Variants in CADPS2 observed in about 807,000 individuals in gnomAD.
The protein encoded by CADPS2 is calcium-dependent secretion activator 2.
CADPS2 carries 93 observed loss-of-function variants against 172.5 expected under a neutral mutation model. That is an observed-to-expected ratio of 0.54 (90% confidence interval 0.46 to 0.64). The LOEUF (loss-of-function observed/expected upper bound fraction) is 0.64, where lower values mean the gene tolerates loss of function less well. Among genes scored for constraint, CADPS2 ranks in the 30% least tolerant of loss-of-function variants. The probability of loss-of-function intolerance (pLI) is 0.00; values close to 1 mark genes in which losing one functional copy is unlikely to be tolerated. For missense variants in CADPS2, 1,420 were observed against 1,565.9 expected (o/e 0.91, Z 1.57); for synonymous variants, 546 against 555.2 (o/e 0.98, Z 0.23).
chr7:122,507,169 G>C (rs1340559445), intron 9 of CADPS2, among the ~76,000 whole-genome samples: 2 of 152,126 alleles, frequency 1.3e-5, no homozygotes, highest in Non-Finnish European at 2.9e-5. Context: ...GACAGAGAAT[G>C]AGTTGAGGGG....
chr7:122,635,342 C>CA (rs553494973), intron 3 of CADPS2, among the ~76,000 whole-genome samples: 59 of 151,446 alleles, frequency 3.9e-4, no homozygotes, highest in Non-Finnish European at 7.4e-4. Context: ...AGGTTAGTTA[C>CA]TATGTATACA....
intron 1 of CADPS2, among the ~76,000 whole-genome samples, chr7:122,818,954 A>G (rs2140317241): frequency 6.6e-6 from 1 of 152,286 alleles, no homozygotes; most frequent in East Asian, 1.9e-4. Context: ...ACATTTTATT[A>G]CCCAATCTGC....
intron 11 of CADPS2, among the ~76,000 whole-genome samples, chr7:122,488,796 A>C (rs2058055560): frequency 3.3e-5 from 5 of 152,226 alleles, no homozygotes; most frequent in Admixed American, 3.3e-4. Context: ...TTAGCGAGTT[A>C]AAGTTTTTTG....
chr7:122,482,973 C>T (rs992263422), intron 11 of CADPS2, among the ~76,000 whole-genome samples: 3 of 152,188 alleles, frequency 2.0e-5, no homozygotes, highest in African/African-American at 2.4e-5. Context: ...TAGAATAGCA[C>T]TGCTTTTCAG....
rs538278209 is a variant in CADPS2 at position 122,756,166 on chromosome 7, G to A, written c.340-19098C>T. 7.2e-5 allele frequency among the ~76,000 whole-genome samples: 11 copies of A among 152,168 alleles called. No homozygotes were observed. In the East Asian group the frequency reaches 1.3e-3, roughly 19 times the overall value. On this transcript the variant is annotated intron_variant, in intron 1 of 29. Coordinates refer to ENST00000449022, the MANE Select transcript of CADPS2 (RefSeq NM_017954.11). ...TGAATAGTTACTGGTTACAAAAGGC[G>A]ACTAACTTAACTGGCAGTGGAACAC...
chr7:122,640,657 C>A (rs1011853241), intron 3 of CADPS2, among the ~76,000 whole-genome samples: 1 of 152,046 alleles, frequency 6.6e-6, no homozygotes, highest in Non-Finnish European at 1.5e-5. Context: ...GTTGGCTGGG[C>A]GCGGTGGCTC....
chr7:122,448,023 T>A (rs924904674), intron 15 of CADPS2, among the ~76,000 whole-genome samples: 1 of 152,186 alleles, frequency 6.6e-6, no homozygotes, highest in African/African-American at 2.4e-5. Flanking sequence ...AGGTTGGAAA[T>A]GATAGTTTCT....
chr7:122,806,300 A>G (rs1325261544), intron 1 of CADPS2, among the ~76,000 whole-genome samples: 1 of 152,224 alleles, frequency 6.6e-6, no homozygotes, highest in Non-Finnish European at 1.5e-5. Context: ...AATGAAATAA[A>G]AGTGTTTAGA....
At chr7:122,635,548 C>G (rs759766036) in intron 3 of CADPS2, among the ~76,000 whole-genome samples, 1 of 151,388 alleles carries the variant, frequency 6.6e-6, no homozygotes, top group Admixed American at 6.6e-5. Flanking sequence ...TTTGTTCTTG[C>G]GATAGTTTAC....
chr7:122,839,815 C>G (rs1037346886), intron 1 of CADPS2, among the ~76,000 whole-genome samples: 6 of 152,162 alleles, frequency 3.9e-5, no homozygotes, highest in African/African-American at 1.4e-4. Flanking sequence ...AATAGGAACA[C>G]TTTTACACTG....
intron 1 of CADPS2, among the ~76,000 whole-genome samples, chr7:122,845,168 G>A (rs369889267): frequency 2.6e-5 from 4 of 152,168 alleles, no homozygotes; most frequent in African/African-American, 7.2e-5. Flanking sequence ...AAGATCTGAA[G>A]TAATAAATAC....
chr7:122,716,149 A>T (rs2089566553), intron 2 of CADPS2, among the ~76,000 whole-genome samples: 1 of 152,154 alleles, frequency 6.6e-6, no homozygotes, highest in African/African-American at 2.4e-5. Context: ...GTCAATTAAA[A>T]TATTAATTTT....
intron 9 of CADPS2, among the ~76,000 whole-genome samples, chr7:122,503,114 C>A (rs2059347174): frequency 6.9e-6 from 1 of 145,680 alleles, no homozygotes; most frequent in East Asian, 2.1e-4. Flanking sequence ...TCACTGTAAC[C>A]TCTGCCTCCT....
chr7:122,585,103 G>T (rs2069451706), intron 6 of CADPS2, among the ~76,000 whole-genome samples: 1 of 151,950 alleles, frequency 6.6e-6, no homozygotes, highest in African/African-American at 2.4e-5. Context: ...CAAAGGAGAA[G>T]CTGAGGCACA....
intron 29 of CADPS2, among the ~76,000 whole-genome samples, chr7:122,321,081 A>G (rs778549586): frequency 2.6e-5 from 4 of 152,228 alleles, no homozygotes; most frequent in Non-Finnish European, 4.4e-5. Context: ...GATTTTCAAG[A>G]CAACAAAATC....
chr7:122,754,924 C>T (rs2093097434), intron 1 of CADPS2, among the ~76,000 whole-genome samples: 1 of 152,146 alleles, frequency 6.6e-6, no homozygotes, highest in Non-Finnish European at 1.5e-5. Context: ...AAAACATATT[C>T]TTAAGAACAT....
chr7:122,541,781 TC>T (rs1443109810), intron 8 of CADPS2, among the ~76,000 whole-genome samples: 1 of 140,328 alleles, frequency 7.1e-6, no homozygotes, highest in Non-Finnish European at 1.5e-5. Context: ...TCACATATAT[TC>T]ATATATTTAT....
In CADPS2 at chr7:122,853,069, G is replaced by A. The variant is rs1814128667; in HGVS notation, c.339+32930C>T. Among the ~76,000 whole-genome samples, 3 of 152,196 alleles carry A rather than the reference G, an allele frequency of 2.0e-5. 1 individual carries two copies. The South Asian group carries it at 6.2e-4, about 32-fold the overall frequency. Reference sequence around the variant, plus strand: ...CTATAATCATAGGAACCACAGTTAAGGAAAAGGCCTTGGCCTCAGTGCCAG... The same window carrying A: ...CTATAATCATAGGAACCACAGTTAAAGAAAAGGCCTTGGCCTCAGTGCCAG... On this transcript the variant is annotated intron_variant, in intron 1 of 29. Transcript: ENST00000449022.
intron 1 of CADPS2, among the ~76,000 whole-genome samples, chr7:122,788,222 A>G (rs1794497690): frequency 6.6e-6 from 1 of 152,112 alleles, no homozygotes; most frequent in African/African-American, 2.4e-5. Flanking sequence ...TAGTTTTCTG[A>G]CTCACTGGGA....
Sources: gnomAD v4.1 joint callset for allele counts (sites outside exome capture counted in the v4.1 genomes callset) on GRCh38, gnomAD v4.1.1 for gene constraint, MANE v1.5 for transcripts, NCBI Gene and HGNC (gene_info 2026-07-23, HGNC 2026-07-21) for gene names.